Variants in GPC6 observed in about 807,000 individuals in gnomAD.
GPC6 encodes the protein glypican 6.
In GPC6, 14 loss-of-function variants were observed where a neutral mutation model predicts 55.2. The ratio of observed to expected loss-of-function variants is 0.25; its 90% CI spans 0.17 to 0.40. The LOEUF is 0.40. GPC6 is among the 10% of genes least tolerant of loss of function. The pLI, the probability that GPC6 is intolerant of heterozygous loss-of-function variation, is 1.00. For synonymous variants in GPC6, 278 were observed against 259.6 expected (o/e 1.07, Z -0.68); for missense variants, 641 against 708.5 (o/e 0.90, Z 1.08).
At position 94,382,513 on chromosome 13, in the gene GPC6, A is replaced by G; in HGVS notation, c.1252A>G (p.Asn418Asp). Residue 418 changes from asparagine (N) to aspartate (D), a missense_variant, in exon 7 of 9, where the codon AAC becomes GAC. Coordinates refer to ENST00000377047, the MANE Select transcript of GPC6 (RefSeq NM_005708.5). ...KDESVTAGTS[N>D]EEECWNGHSK... ...CGAGAGCGTGACAGCGGGCACGTCC[A>G]ACGAGGAGGAATGCTGGAACGGGCA... is the stretch of plus-strand genomic sequence containing the variant. 1 of 1,614,224 alleles carries G rather than the reference A, an allele frequency of 6.2e-7. No individual in the cohort carries two copies. The highest frequency in any genetic ancestry group is 1.1e-5 in the South Asian group (1 of 91,080).
chr13:93,740,552 A>G (rs1884165902), intron 2 of GPC6, among the ~76,000 whole-genome samples: 1 of 152,190 alleles, frequency 6.6e-6, no homozygotes, highest in Non-Finnish European at 1.5e-5. Context: ...TGAAATTGAT[A>G]AACAGTTTAA....
At chr13:94,160,834 T>C (rs559378015) in intron 4 of GPC6, among the ~76,000 whole-genome samples, 38 of 152,330 alleles carry the variant, frequency 2.5e-4, no homozygotes, top group African/African-American at 8.9e-4. Context: ...TTTGGAACAC[T>C]GATTCAAAGT....
At chr13:94,191,959 G>A (rs1889409893) in intron 4 of GPC6, among the ~76,000 whole-genome samples, 1 of 152,074 alleles carries the variant, frequency 6.6e-6, no homozygotes, top group South Asian at 2.1e-4. Flanking sequence ...TCTTATACTT[G>A]AAGAGAAGAC....
intron 4 of GPC6, among the ~76,000 whole-genome samples, chr13:94,241,000 C>A (rs1313522039): frequency 6.6e-6 from 1 of 152,110 alleles, no homozygotes; most frequent in African/African-American, 2.4e-5. Context: ...GTTTGTGTGT[C>A]CCCAAAATTC....
chr13:93,265,436 G>A (rs571752075), intron 1 of GPC6, among the ~76,000 whole-genome samples: 5 of 152,298 alleles, frequency 3.3e-5, no homozygotes, highest in East Asian at 1.9e-4. Context: ...TTGGATTTCC[G>A]ATGGCTCAGT....
At chr13:94,350,467 G>A (rs988209906) in intron 6 of GPC6, among the ~76,000 whole-genome samples, 5 of 152,116 alleles carry the variant, frequency 3.3e-5, no homozygotes, top group Non-Finnish European at 5.9e-5. Context: ...CAAAGCAGCA[G>A]CCACAGCATA....
At chr13:93,510,216 T>C (rs2139383190) in intron 1 of GPC6, among the ~76,000 whole-genome samples, 1 of 152,230 alleles carries the variant, frequency 6.6e-6, no homozygotes, top group East Asian at 1.9e-4. Flanking sequence ...ACAATACATT[T>C]TTGTTAATAT....
intron 2 of GPC6, among the ~76,000 whole-genome samples, chr13:93,562,829 T>C (rs1875880713): frequency 6.6e-6 from 1 of 152,136 alleles, no homozygotes; most frequent in Non-Finnish European, 1.5e-5. Context: ...TCCCATGAGG[T>C]GGGTGACATC....
At chr13:94,053,619 C>T (rs1340207817) in intron 4 of GPC6, among the ~76,000 whole-genome samples, 1 of 152,104 alleles carries the variant, frequency 6.6e-6, no homozygotes. Flanking sequence ...TTATAGCCAC[C>T]TCCCTTTCAC....
At chr13:94,138,113 C>T (rs1255882113) in intron 4 of GPC6, among the ~76,000 whole-genome samples, 2 of 152,100 alleles carry the variant, frequency 1.3e-5, no homozygotes, top group Non-Finnish European at 2.9e-5. Flanking sequence ...ATGAAATGCT[C>T]CAAAATCTGA....
At chr13:93,245,365 A>C (rs897266069) in intron 1 of GPC6, among the ~76,000 whole-genome samples, 4 of 152,030 alleles carry the variant, frequency 2.6e-5, no homozygotes, top group Non-Finnish European at 1.5e-5. Flanking sequence ...TCCTTCCTTC[A>C]TTCTTTCCCT....
chr13:93,689,346 G>A (rs937225336), intron 2 of GPC6, among the ~76,000 whole-genome samples: 6 of 152,038 alleles, frequency 3.9e-5, no homozygotes, highest in African/African-American at 1.4e-4. Context: ...TGAACTTAAA[G>A]TCTGTTTGAA....
intron 3 of GPC6, among the ~76,000 whole-genome samples, chr13:93,900,622 A>G (rs118129953): frequency 1.5e-4 from 23 of 152,274 alleles, no homozygotes; most frequent in Non-Finnish European, 2.9e-4. Context: ...TATCTCAGTA[A>G]GAGTTATGCT....
chr13:93,407,504 T>G (rs977570172), intron 1 of GPC6, among the ~76,000 whole-genome samples: 1 of 152,164 alleles, frequency 6.6e-6, no homozygotes, highest in Admixed American at 6.6e-5. Flanking sequence ...AGGGATTCAA[T>G]TGCAAAATGC....
intron 3 of GPC6, among the ~76,000 whole-genome samples, chr13:93,943,041 C>G (rs891248687): frequency 6.6e-6 from 1 of 152,044 alleles, no homozygotes; most frequent in Non-Finnish European, 1.5e-5. Flanking sequence ...CATGGTACCC[C>G]CATAAGGCTC....
At chr13:93,729,210 G>A (rs926598016) in intron 2 of GPC6, among the ~76,000 whole-genome samples, 1 of 152,088 alleles carries the variant, frequency 6.6e-6, no homozygotes, top group African/African-American at 2.4e-5. Context: ...ACACCCAGAG[G>A]AAAATTCAGT....
intron 1 of GPC6, among the ~76,000 whole-genome samples, chr13:93,268,552 T>C (rs908515889): frequency 6.6e-6 from 1 of 152,014 alleles, no homozygotes; most frequent in Non-Finnish European, 1.5e-5. Flanking sequence ...ATGGAGCCTT[T>C]CTTGCTACGT....
chr13:93,697,342 C>T (rs528823146), intron 2 of GPC6, among the ~76,000 whole-genome samples: 34 of 152,248 alleles, frequency 2.2e-4, no homozygotes, highest in African/African-American at 7.7e-4. Flanking sequence ...AAAGTTTCCT[C>T]TCTCAGAGCA....
chr13:93,542,561 A>G (rs1476865357), intron 1 of GPC6, among the ~76,000 whole-genome samples: 1 of 152,178 alleles, frequency 6.6e-6, no homozygotes, highest in Non-Finnish European at 1.5e-5. Context: ...TTCTGTGAAG[A>G]AAGTCATTGG....
Sources: allele counts gnomAD v4.1 joint callset (sites outside exome capture counted in the v4.1 genomes callset), GRCh38; gene constraint gnomAD v4.1.1; transcripts MANE v1.5; gene names NCBI Gene and HGNC (gene_info 2026-07-23, HGNC 2026-07-21).